The following CDH18 variants were observed in gnomAD, a reference collection of about 807,000 sequenced individuals.
CDH18 encodes cadherin 18, also known as cadherin-18.
In CDH18, 31 loss-of-function variants were observed where a neutral mutation model predicts 67.9. The observed-to-expected ratio is 0.46, with a 90% CI of 0.34 to 0.62. The LOEUF is 0.62. Among genes scored for constraint, CDH18 ranks in the 20% least tolerant of loss-of-function variants. CDH18 has a pLI of 0.01. For missense variants in CDH18, 890 were observed against 975.5 expected (o/e 0.91, Z 1.17); for synonymous variants, 362 against 347.2 (o/e 1.04, Z -0.48).
At chr5:19,749,327 A>C (rs1306118943) in intron 3 of CDH18, among the ~76,000 whole-genome samples, 1 of 151,516 alleles carries the variant, frequency 6.6e-6, no homozygotes, top group Non-Finnish European at 1.5e-5. Context: ...TTGTTATATT[A>C]TATATAAATT....
chr5:19,776,420 T>A (rs1242683306), intron 3 of CDH18, among the ~76,000 whole-genome samples: 2 of 152,170 alleles, frequency 1.3e-5, no homozygotes, highest in Non-Finnish European at 2.9e-5. Flanking sequence ...TGTTTAATTC[T>A]TTATGCAAAT....
chr5:19,630,650 G>C (rs1185404851), intron 5 of CDH18, among the ~76,000 whole-genome samples: 4 of 152,124 alleles, frequency 2.6e-5, no homozygotes, highest in Non-Finnish European at 5.9e-5. Context: ...TTAGTAGGGG[G>C]ATCTAGCAGG....
At chr5:20,304,967 C>T (rs1736290802) in intron 1 of CDH18, 2 of 1,613,890 alleles carry the variant, frequency 1.2e-6, no homozygotes, top group Non-Finnish European at 1.7e-6. Context: ...CAGTTCAAGG[C>T]GGCCAACTGC....
chr5:20,509,358 T>C (rs1487186905), intron 1 of CDH18, among the ~76,000 whole-genome samples: 1 of 152,008 alleles, frequency 6.6e-6, no homozygotes, highest in African/African-American at 2.4e-5. Flanking sequence ...TTATTTCCCT[T>C]AATATAATCT....
chr5:20,091,717 C>A (rs1745449977), intron 2 of CDH18, among the ~76,000 whole-genome samples: 1 of 151,832 alleles, frequency 6.6e-6, no homozygotes, highest in Admixed American at 6.6e-5. Flanking sequence ...AAATACTGAT[C>A]CTCTCTTTCA....
intron 1 of CDH18, among the ~76,000 whole-genome samples, chr5:19,984,493 T>C (rs1210012005): frequency 1.3e-5 from 2 of 152,206 alleles, no homozygotes; most frequent in African/African-American, 4.8e-5. Context: ...TTCACTTTCA[T>C]CCATGAAAAT....
chr5:20,095,506 G>A (rs544257007), intron 2 of CDH18, among the ~76,000 whole-genome samples: 20 of 135,284 alleles, frequency 1.5e-4, no homozygotes, highest in Admixed American at 1.3e-3. Context: ...AGGGAGGGAG[G>A]GAGGATGGAA....
At chr5:20,538,421 C>T (rs1455498430) in intron 1 of CDH18, among the ~76,000 whole-genome samples, 1 of 152,150 alleles carries the variant, frequency 6.6e-6, no homozygotes, top group Non-Finnish European at 1.5e-5. Flanking sequence ...AATATGTCCA[C>T]ATTAACATTT....
At chr5:20,281,668 T>C (rs1033640219) in intron 1 of CDH18, among the ~76,000 whole-genome samples, 1 of 152,188 alleles carries the variant, frequency 6.6e-6, no homozygotes, top group Non-Finnish European at 1.5e-5. Flanking sequence ...TTCTTTTAGC[T>C]TAGGATTGAC....
intron 2 of CDH18, among the ~76,000 whole-genome samples, chr5:20,086,346 A>T (rs2150551769): frequency 6.6e-6 from 1 of 152,360 alleles, no homozygotes; most frequent in South Asian, 2.1e-4. Flanking sequence ...TTATGAGCAA[A>T]GTGAGCTAGC....
intron 9 of CDH18, among the ~76,000 whole-genome samples, chr5:19,542,087 A>G (rs1750374873): frequency 6.6e-6 from 1 of 152,150 alleles, no homozygotes; most frequent in African/African-American, 2.4e-5. Context: ...CAGAGATATT[A>G]TGGTGAAAAA....
chr5:19,665,372 T>C, intron 5 of CDH18, among the ~76,000 whole-genome samples: 1 of 152,148 alleles, frequency 6.6e-6, no homozygotes, highest in Middle Eastern at 3.4e-3. Context: ...TGTTTTAATA[T>C]TAAAATTATC....
rs184062447 is a variant in CDH18 at position 20,122,514 on chromosome 5, C to T, written c.-517-130500G>A. Among the ~76,000 whole-genome samples, 570 of 152,076 alleles carry T rather than the reference C, an allele frequency of 3.7e-3. 2 individuals are homozygous for T. The highest frequency in any genetic ancestry group is 7.0e-3 in the Admixed American group (107 of 15,266). On this transcript the variant is annotated intron_variant, in intron 2 of 14. Transcript: ENST00000507958. ...CTAAAATCAAAAGAAGTTTTGAGTT[C>T]CAGAAATGTGTTAATTTGATAACTA...
chr5:20,573,379 T>C (rs1275161548), intron 1 of CDH18, among the ~76,000 whole-genome samples: 1 of 151,820 alleles, frequency 6.6e-6, no homozygotes, highest in Non-Finnish European at 1.5e-5. Flanking sequence ...TAAGCCAATA[T>C]AGCCCATAAA....
At chr5:20,512,637 A>G (rs1755113059) in intron 1 of CDH18, among the ~76,000 whole-genome samples, 1 of 151,974 alleles carries the variant, frequency 6.6e-6, no homozygotes, top group Non-Finnish European at 1.5e-5. Context: ...TAATCCCAAC[A>G]CTTTGGGAGG....
intron 2 of CDH18, among the ~76,000 whole-genome samples, chr5:20,202,500 G>GTTT (rs1162763079): frequency 1.3e-5 from 2 of 151,782 alleles, no homozygotes; most frequent in African/African-American, 4.8e-5. Flanking sequence ...TTAAAAATCA[G>GTTT]TTTTTTGATA....
chr5:20,497,592 A>G (rs2126419902), intron 1 of CDH18, among the ~76,000 whole-genome samples: 1 of 152,232 alleles, frequency 6.6e-6, no homozygotes, highest in African/African-American at 2.4e-5. Flanking sequence ...GCATGAGCTC[A>G]TCCAAGGACA....
chr5:20,418,936 C>T (rs1471991447), intron 1 of CDH18, among the ~76,000 whole-genome samples: 1 of 151,970 alleles, frequency 6.6e-6, no homozygotes, highest in East Asian at 1.9e-4. Flanking sequence ...CATTCTCTCT[C>T]CATATTTTCA....
At chr5:19,483,991 T>C (rs1739941601) in intron 11 of CDH18, among the ~76,000 whole-genome samples, 1 of 152,194 alleles carries the variant, frequency 6.6e-6, no homozygotes, top group Non-Finnish European at 1.5e-5. Context: ...GTGAAGTTGA[T>C]GCATAAAACA....
Sources: allele counts gnomAD v4.1 joint callset (sites outside exome capture counted in the v4.1 genomes callset), GRCh38; gene constraint gnomAD v4.1.1; transcripts MANE v1.5; gene names NCBI Gene and HGNC (gene_info 2026-07-23, HGNC 2026-07-21).